CBFB: variants seen among roughly 807,000 people sequenced by gnomAD.
CBFB encodes the protein CBF-beta.
In CBFB, 9 loss-of-function variants were observed where a neutral mutation model predicts 30.4. That is an observed-to-expected ratio of 0.30 (90% CI 0.18 to 0.52). The LOEUF is 0.52. CBFB is among the 20% of genes least tolerant of loss of function. The pLI is 0.97. For synonymous variants in CBFB, 94 were observed against 84.0 expected (o/e 1.12, Z -0.65); for missense variants, 170 against 244.0 (o/e 0.70, Z 2.02).
At chr16:67,089,487 T>TA (rs1292686347) in intron 5 of CBFB, among the ~76,000 whole-genome samples, 1 of 152,228 alleles carries the variant, frequency 6.6e-6, no homozygotes, top group Admixed American at 6.5e-5. Context: ...CTTTCAGTAT[T>TA]ACACAGAATA....
chr16:67,096,706 G>C (rs1433898859), intron 5 of CBFB, among the ~76,000 whole-genome samples: 2 of 151,930 alleles, frequency 1.3e-5, no homozygotes, highest in Non-Finnish European at 2.9e-5. Flanking sequence ...CGGGCGCGGT[G>C]GCTCACTCCT....
chr16:67,059,383 A>T (rs1960825320), intron 3 of CBFB, among the ~76,000 whole-genome samples: 1 of 152,204 alleles, frequency 6.6e-6, no homozygotes, highest in African/African-American at 2.4e-5. Flanking sequence ...TGTGTCTGTG[A>T]GAGAAAAGGC....
intron 5 of CBFB, among the ~76,000 whole-genome samples, chr16:67,085,926 C>T (rs1961720266): frequency 6.6e-6 from 1 of 152,146 alleles, no homozygotes; most frequent in South Asian, 2.1e-4. Flanking sequence ...GATCTGCCCG[C>T]CTTGGCCTCC....
intron 2 of CBFB, among the ~76,000 whole-genome samples, chr16:67,034,064 G>A (rs1316692022): frequency 2.0e-5 from 3 of 151,950 alleles, no homozygotes; most frequent in Non-Finnish European, 2.9e-5. Context: ...TTCTGACTTC[G>A]TGATCTGCCT....
intron 3 of CBFB, among the ~76,000 whole-genome samples, chr16:67,037,740 T>C (rs1311176488): frequency 6.6e-6 from 1 of 150,558 alleles, no homozygotes; most frequent in Non-Finnish European, 1.5e-5. Context: ...TGATCTTGGC[T>C]CACAGCAACC....
intron 2 of CBFB, among the ~76,000 whole-genome samples, chr16:67,033,845 G>A (rs1446629568): frequency 7.3e-5 from 9 of 124,078 alleles, no homozygotes; most frequent in East Asian, 4.6e-4. Flanking sequence ...TTTTTGAGAC[G>A]GCGTCTTGCA....
chr16:67,029,699 C>T (rs780760045), intron 1 of CBFB, 28 bp from the exon 2 acceptor site: 9 of 1,563,130 alleles, frequency 5.8e-6, no homozygotes, highest in South Asian at 4.6e-5. Flanking sequence ...GGATTTGGCT[C>T]CTGATTTCGG....
chr16:67,066,941 G>T, intron 4 of CBFB, 143 bp downstream of exon 4: 3 of 494,422 alleles, frequency 6.1e-6, no homozygotes, highest in East Asian at 3.3e-5. Flanking sequence ...TGAAAATGTT[G>T]ATACTCAAAT....
At chr16:67,083,285 A>G (rs1213925877) in intron 5 of CBFB, among the ~76,000 whole-genome samples, 1 of 152,018 alleles carries the variant, frequency 6.6e-6, no homozygotes, top group Non-Finnish European at 1.5e-5. Context: ...GCTCAAAAGT[A>G]ATCATTATTT....
chr16:67,062,843 C>T (rs993609473), intron 3 of CBFB, among the ~76,000 whole-genome samples: 1 of 151,952 alleles, frequency 6.6e-6, no homozygotes, highest in Non-Finnish European at 1.5e-5. Context: ...ATTGTGGAAT[C>T]TTCAATTCTA....
chr16:67,050,914 A>G (rs1333613381), intron 3 of CBFB, among the ~76,000 whole-genome samples: 2 of 152,212 alleles, frequency 1.3e-5, no homozygotes, highest in Non-Finnish European at 2.9e-5. Context: ...GCCACTAAGT[A>G]ACTAATGGAC....
At chr16:67,046,078 T>C (rs1318567027) in intron 3 of CBFB, among the ~76,000 whole-genome samples, 8 of 151,610 alleles carry the variant, frequency 5.3e-5, no homozygotes, top group Admixed American at 1.3e-4. Context: ...TTATAGGCGC[T>C]CTGAGCCACT....
chr16:67,042,684 C>G (rs1418461699), intron 3 of CBFB, among the ~76,000 whole-genome samples: 1 of 152,036 alleles, frequency 6.6e-6, no homozygotes, highest in South Asian at 2.1e-4. Flanking sequence ...GGCTTCACTT[C>G]CTAGTCATGC....
At chr16:67,096,773 G>T (rs1205819607) in intron 5 of CBFB, among the ~76,000 whole-genome samples, 1 of 151,264 alleles carries the variant, frequency 6.6e-6, no homozygotes, top group Non-Finnish European at 1.5e-5. Context: ...AGGAGATTGA[G>T]ACCATCCTGG....
chr16:67,038,123 TTG>T (rs1567604669), intron 3 of CBFB, among the ~76,000 whole-genome samples: 1 of 152,074 alleles, frequency 6.6e-6, no homozygotes, highest in East Asian at 1.9e-4. Context: ...CATACTTTTT[TTG>T]TGTGTGTTTG....
At chr16:67,043,609 A>G (rs1418286453) in intron 3 of CBFB, among the ~76,000 whole-genome samples, 2 of 152,244 alleles carry the variant, frequency 1.3e-5, no homozygotes, top group Non-Finnish European at 2.9e-5. Flanking sequence ...TAATAACAGT[A>G]TAATAGAAAG....
intron 5 of CBFB, among the ~76,000 whole-genome samples, chr16:67,090,476 C>G (rs1312367594): frequency 6.6e-6 from 1 of 152,104 alleles, no homozygotes; most frequent in African/African-American, 2.4e-5. Context: ...ATAACTAATT[C>G]AAATGTCTTT....
At chr16:67,043,719 A>T (rs1383844907) in intron 3 of CBFB, among the ~76,000 whole-genome samples, 1 of 152,224 alleles carries the variant, frequency 6.6e-6, no homozygotes, top group Non-Finnish European at 1.5e-5. Flanking sequence ...TGAGAATTAA[A>T]TGTAGTACCA....
chr16:67,074,475 C>T (rs955519801), intron 4 of CBFB, among the ~76,000 whole-genome samples: 13 of 151,610 alleles, frequency 8.6e-5, no homozygotes, highest in Admixed American at 3.3e-4. Flanking sequence ...CTCTGCCTCC[C>T]GGGTTCAAGT....
Sources: allele counts gnomAD v4.1 joint callset (sites outside exome capture counted in the v4.1 genomes callset), GRCh38; gene constraint gnomAD v4.1.1; transcripts MANE v1.5; gene names NCBI Gene and HGNC (gene_info 2026-07-23, HGNC 2026-07-21).